The following BRPF1 variants were observed in gnomAD, a reference collection of about 807,000 sequenced individuals.
BRPF1 encodes peregrin.
A neutral mutation model predicts 115.0 loss-of-function variants in BRPF1; 15 were observed. That is an observed-to-expected ratio of 0.13 (90% CI 0.09 to 0.20). The LOEUF is 0.20. Ranked by LOEUF, BRPF1 falls within the 10% of genes least tolerant of loss-of-function variation. BRPF1 has a pLI of 1.00. For missense variants in BRPF1, 1,118 were observed against 1,638.3 expected (o/e 0.68, Z 5.48); for synonymous variants, 647 against 619.8 (o/e 1.04, Z -0.65).
At position 9,742,968 on chromosome 3, in the gene BRPF1, A is replaced by C; in HGVS notation, c.2026A>C (p.Lys676Gln). Residue 676 changes from lysine (K) to glutamine (Q), a missense_variant, in exon 7 of 14, where the codon AAA (lysine) becomes CAA (glutamine). Lys to Gln is a moderately conservative substitution (Grantham distance 53). Transcript: ENST00000383829. ...GGTACCTGACTACCTAGACCACATC[A>C]AAAAGCCCATGGACTTTTTCACCAT... ...DEVPDYLDHIKKPMDFFTMKQ... is the reference protein window; with the variant it reads ...DEVPDYLDHIQKPMDFFTMKQ... 6.2e-7 allele frequency: 1 copy of C among 1,614,164 alleles called. No individual in the cohort carries two copies. Among genetic ancestry groups the C allele is most frequent in the Non-Finnish European group, 8.5e-7 (1 of 1,180,002 alleles).
At chr3:9,736,925 G>A (rs143132972) in intron 2 of BRPF1, among the ~76,000 whole-genome samples, 1 of 152,324 alleles carries the variant, frequency 6.6e-6, no homozygotes, top group East Asian at 1.9e-4. Context: ...TACCTTATCT[G>A]TACTGCAGCC....
At position 9,734,789 on chromosome 3, in the gene BRPF1, C is replaced by T; in HGVS notation, c.599+50C>T. The T allele has an allele frequency of 6.3e-7, 1 of 1,593,244 alleles. No homozygotes were observed. Among genetic ancestry groups the T allele is most frequent in the Non-Finnish European group, 8.6e-7 (1 of 1,164,676 alleles). ...TCTGGAAAACTGGTCAAGCAGGGCT[C>T]ACTAGCCAGAGAGAGGTGAGAGGCA... On this transcript the variant is annotated intron_variant, in intron 2 of 13. Transcript: ENST00000383829. The surrounding 1 kb of genome is among the most constrained non-coding windows in gnomAD (Gnocchi z 5.7).
chr3:9,738,715 A>T (rs974668097), intron 2 of BRPF1, among the ~76,000 whole-genome samples: 1 of 152,230 alleles, frequency 6.6e-6, no homozygotes, highest in Admixed American at 6.5e-5. Flanking sequence ...AGCAGCTAGG[A>T]CATGAGCTTT....
chr3:9,747,371 C>T lies in BRPF1; in HGVS notation c.*22C>T. On this transcript the variant is annotated 3_prime_UTR_variant, in exon 14 of 14. Coordinates refer to ENST00000383829, the MANE Select transcript of BRPF1 (RefSeq NM_001003694.2). This position sits in a 1 kb window ranked among gnomAD's most constrained non-coding sequence, Gnocchi z 5.6. ...TTGATACTGCTCAACACAGCCCAAC[C>T]TATAGTGCCCTGTGACTTCTCTCCT... 6.2e-7 allele frequency: 1 copy of T among 1,605,280 alleles called. No homozygotes were observed. The highest frequency in any genetic ancestry group is 8.5e-7 in the Non-Finnish European group (1 of 1,173,596).
chr3:9,742,774 G>A (rs541161501), intron 6 of BRPF1, among the ~76,000 whole-genome samples, 170 bp from the exon 7 acceptor site: 1 of 152,290 alleles, frequency 6.6e-6, no homozygotes, highest in Admixed American at 6.5e-5. Flanking sequence ...GCTTGTGACT[G>A]GTAAAGTCAG....
rs146774084 is a variant in BRPF1, at chr3:9,743,867, G to T, written c.2601G>T (p.Ala867=). 26 of 1,594,082 alleles carry T rather than the reference G, an allele frequency of 1.6e-5. No individual in the cohort carries two copies. Among genetic ancestry groups the T allele is most frequent in the African/African-American group, 2.7e-5 (2 of 74,540 alleles). The change falls in exon 8 of 14, where the codon GCG becomes GCT. Residue 867 remains alanine (A), a synonymous_variant. Transcript: ENST00000383829. This position sits in a 1 kb window ranked among gnomAD's most constrained non-coding sequence, Gnocchi z 6.1. ...ACDKDGQTDS[A]AEESSSQETS... ...ACAAGGATGGGCAGACAGATAGTGCGGCAGAGGAGAGCAGCAGCCAGGAGA... is the reference window on the plus strand; with the variant it reads ...ACAAGGATGGGCAGACAGATAGTGCTGCAGAGGAGAGCAGCAGCCAGGAGA...
chr3:9,738,792 A>G (rs187127446), intron 2 of BRPF1, among the ~76,000 whole-genome samples: 1 of 152,344 alleles, frequency 6.6e-6, no homozygotes, highest in African/African-American at 2.4e-5. Flanking sequence ...GGGCCAGGTG[A>G]TTAACCTTCC....
Position 9,740,306 on chromosome 3 carries a change from G to A in BRPF1, c.1559+348G>A, listed in dbSNP as rs189615355. Among the ~76,000 whole-genome samples, 86 of 152,320 alleles carry A rather than the reference G, an allele frequency of 5.6e-4. 1 individual carries two copies. In the Middle Eastern group the frequency reaches 0.02, roughly 36 times the overall value. On this transcript the variant is annotated intron_variant, in intron 3 of 13. Coordinates refer to ENST00000383829, the MANE Select transcript of BRPF1 (RefSeq NM_001003694.2). ...TGAAGAAACAAATAGAATGAAAAGCGGGGAAGGGGAAGCTCAAGAAGTTGT... is the reference window on the plus strand; with the variant it reads ...TGAAGAAACAAATAGAATGAAAAGCAGGGAAGGGGAAGCTCAAGAAGTTGT...
intron 6 of BRPF1, 21 bp downstream of exon 6, chr3:9,742,192 C>T (rs1283202658): frequency 1.2e-6 from 2 of 1,612,498 alleles, no homozygotes; most frequent in Non-Finnish European, 1.7e-6. Flanking sequence ...CTTCCCCTCA[C>T]TCCACCTTCT....
rs1165019592 is a variant in BRPF1, at chr3:9,745,470, CA to C, written c.3069-99del. On this transcript the variant is annotated intron_variant, in intron 10 of 13. Transcript: ENST00000383829. This position sits in a 1 kb window ranked among gnomAD's most constrained non-coding sequence, Gnocchi z 5.1. Reference sequence around the variant, plus strand: ...AATTCCTCATATAGCCTCTGCTTTCCAAAAGTCTCAGACCCTGCGGGCTTTA... The same window carrying C: ...AATTCCTCATATAGCCTCTGCTTTCCAAAGTCTCAGACCCTGCGGGCTTTA... 10 of 1,364,212 alleles carry C rather than the reference CA, an allele frequency of 7.3e-6. No individual in the cohort carries two copies. In the East Asian group the frequency reaches 2.1e-4, roughly 28 times the overall value. 84.5% of individuals were successfully genotyped at this position (1,364,212 alleles called of 1,614,324 possible). A position where few individuals can be genotyped will look rare whatever the true frequency, so the allele number is the denominator to read the frequency against.
At position 9,734,471 on chromosome 3, in the gene BRPF1, A is replaced by G; in HGVS notation, c.331A>G (p.Ser111Gly). The change falls in exon 2 of 14, where the codon AGC becomes GGC. Residue 111 changes from serine to glycine, a missense_variant. By Grantham distance (56) the Ser-to-Gly change is moderately conservative. This residue lies in a region of BRPF1 where 280 missense variants were observed against 382.8 expected (regional missense o/e 0.73). Transcript: ENST00000383829. This position sits in a 1 kb window ranked among gnomAD's most constrained non-coding sequence, Gnocchi z 5.7. ...CTTGCATGGCCGCGTCCACCGCATC[A>G]GCATCTTTGACAACCTGGATGTGGT... Reference protein sequence around the residue: ...VDLHGRVHRISIFDNLDVVSE... With the variant: ...VDLHGRVHRIGIFDNLDVVSE... The G allele has an allele frequency of 6.2e-7, 1 of 1,614,166 alleles. No homozygotes were observed. Among genetic ancestry groups the G allele is most frequent in the Non-Finnish European group, 8.5e-7 (1 of 1,180,028 alleles).
chr3:9,742,088 A>G lies in BRPF1; in HGVS notation c.1918A>G (p.Thr640Ala). The change falls in exon 6 of 14, where the codon ACC becomes GCC. Residue 640 changes from threonine to alanine, a missense_variant. Around this residue, in one of 10 missense-constraint regions of BRPF1, gnomAD observed 178 missense variants for 303.7 expected, o/e 0.59. Coordinates refer to ENST00000383829, the MANE Select transcript of BRPF1 (RefSeq NM_001003694.2). ...TCCTTTCCTCATCCTCCTTCGCAAA[A>G]CCTTGGAGCAGCTCCAAGAGAAGGA... ...LTPFLILLRK[T>A]LEQLQEKDTG... is the part of the protein sequence containing the mutation. The G allele has an allele frequency of 6.2e-7, 1 of 1,614,070 alleles. No homozygotes were observed. Among genetic ancestry groups the G allele is most frequent in the South Asian group, 1.1e-5 (1 of 91,080 alleles).
intron 6 of BRPF1, chr3:9,742,667 C>T (rs935476110): frequency 6.8e-6 from 4 of 585,772 alleles, no homozygotes; most frequent in African/African-American, 6.1e-5. Flanking sequence ...ACTAAAGCCT[C>T]ATATAGTCTA....
intron 5 of BRPF1, 21 bp downstream of exon 5, chr3:9,741,460 C>G (rs1303001698): frequency 6.5e-7 from 1 of 1,541,350 alleles, no homozygotes; most frequent in Non-Finnish European, 8.7e-7. Context: ...CTGGGCCAGC[C>G]CTATTTTATA....
rs368849510 is a variant in BRPF1, at chr3:9,744,989, C to T, written c.2921-19C>T. 20 of 1,614,084 alleles carry T rather than the reference C, an allele frequency of 1.2e-5. No individual in the cohort carries two copies. The African/African-American group carries it at 2.4e-4, about 19-fold the overall frequency. On this transcript the variant is annotated intron_variant, in intron 9 of 13. Transcript: ENST00000383829. The stretch of plus-strand genomic sequence containing the variant: ...CTTCCTGACCGGTTCCTTCCCTCCT[C>T]CCCTTCCCTTCAACCAAGACTTACC...
At chr3:9,742,375 C>G in intron 6 of BRPF1, 2 of 985,414 alleles carry the variant, frequency 2.0e-6, no homozygotes, top group Non-Finnish European at 2.4e-6. Flanking sequence ...AGGCAGTCTG[C>G]ACTCCTTCCC....
At chr3:9,740,466 C>T (rs1390513773) in intron 3 of BRPF1, among the ~76,000 whole-genome samples, 1 of 152,144 alleles carries the variant, frequency 6.6e-6, no homozygotes, top group Non-Finnish European at 1.5e-5. Context: ...GGCTCAGTCT[C>T]AGTGGGGCTC....
At position 9,743,108 on chromosome 3, in the gene BRPF1, G is replaced by A. The variant is rs1387100038; in HGVS notation, c.2166G>A (p.Arg722=). ...KYNAKDTIFY[R]AAVRLREQGG... Reference sequence around the variant, plus strand: ...ACGCCAAGGACACCATCTTCTACCGGGCAGCAGTGCGGCTTCGTGAGCAGG... The same window carrying A: ...ACGCCAAGGACACCATCTTCTACCGAGCAGCAGTGCGGCTTCGTGAGCAGG... The change falls in exon 7 of 14, where the codon CGG becomes CGA. Residue 722 remains arginine, a synonymous_variant. Coordinates refer to ENST00000383829, the MANE Select transcript of BRPF1 (RefSeq NM_001003694.2). This position sits in a 1 kb window ranked among gnomAD's most constrained non-coding sequence, Gnocchi z 6.1. The A allele has an allele frequency of 4.3e-6, 7 of 1,614,220 alleles. No homozygotes were observed. Among genetic ancestry groups the A allele is most frequent in the Non-Finnish European group, 5.9e-6 (7 of 1,180,040 alleles).
rs1437646201 is a variant in BRPF1 at position 9,747,358 on chromosome 3, A to T, written c.*9A>T. ...CCAGCGATAGTGATTGATACTGCTC[A>T]ACACAGCCCAACCTATAGTGCCCTG... On this transcript the variant is annotated 3_prime_UTR_variant, in exon 14 of 14. Coordinates refer to ENST00000383829, the MANE Select transcript of BRPF1 (RefSeq NM_001003694.2). This position sits in a 1 kb window ranked among gnomAD's most constrained non-coding sequence, Gnocchi z 5.6. 6.2e-7 allele frequency: 1 copy of T among 1,611,580 alleles called. No individual in the cohort carries two copies. Among genetic ancestry groups the T allele is most frequent in the Non-Finnish European group, 8.5e-7 (1 of 1,178,534 alleles).
Sources: gnomAD v4.1 joint callset for allele counts (sites outside exome capture counted in the v4.1 genomes callset) on GRCh38, gnomAD v4.1.1 for gene constraint, gnomAD v4.1.1 regional missense constraint, Gnocchi (gnomAD v3.1) non-coding constraint, MANE v1.5 for transcripts, NCBI Gene and HGNC (gene_info 2026-07-23, HGNC 2026-07-21) for gene names.